The following NBEA variants were observed in gnomAD, a reference collection of about 807,000 sequenced individuals.
The protein encoded by NBEA is neurobeachin, also known as lysosomal-trafficking regulator 2.
A neutral mutation model predicts 343.4 loss-of-function variants in NBEA; 44 were observed. The ratio of observed to expected loss-of-function variants is 0.13; its 90% CI spans 0.10 to 0.16. NBEA has a LOEUF of 0.16. Among genes scored for constraint, NBEA ranks in the 10% least tolerant of loss-of-function variants. The probability of loss-of-function intolerance (pLI) is 1.00; values close to 1 mark genes in which losing one functional copy is unlikely to be tolerated. For synonymous variants in NBEA, 1,175 were observed against 1,238.7 expected, an observed-to-expected ratio of 0.95 and a Z score of 1.08; for missense variants, 2,555 against 3,631.3, an observed-to-expected ratio of 0.70 and a Z score of 7.62.
At chr13:35,498,208 TG>T (rs2076755283) in intron 41 of NBEA, among the ~76,000 whole-genome samples, 1 of 152,080 alleles carries the variant, frequency 6.6e-6, no homozygotes, top group Non-Finnish European at 1.5e-5. Flanking sequence ...ATGTCCATCT[TG>T]TAAAGAAAGT....
chr13:35,355,026 C>T (rs1271892517), intron 38 of NBEA, among the ~76,000 whole-genome samples: 1 of 152,092 alleles, frequency 6.6e-6, no homozygotes. Context: ...GTTTCTGAGG[C>T]CATAAATGTT....
At chr13:35,370,792 C>A (rs2041386325) in intron 38 of NBEA, among the ~76,000 whole-genome samples, 1 of 152,008 alleles carries the variant, frequency 6.6e-6, no homozygotes, top group Admixed American at 6.6e-5. Flanking sequence ...TTAAGTATTT[C>A]TTGTGAAGCT....
At chr13:35,261,749 A>G (rs967299075) in intron 34 of NBEA, among the ~76,000 whole-genome samples, 6 of 152,188 alleles carry the variant, frequency 3.9e-5, no homozygotes, top group African/African-American at 1.2e-4. Flanking sequence ...CCAGAGCCAT[A>G]GAAACCTATT....
chr13:34,985,934 T>C lies in NBEA; in HGVS notation c.294+42820T>C, dbSNP rs1230831509. 8.6e-5 allele frequency among the ~76,000 whole-genome samples: 13 copies of C among 150,934 alleles called. 1 individual carries two copies. In the South Asian group the frequency reaches 2.5e-3, roughly 29 times the overall value. On this transcript the variant is annotated intron_variant, in intron 1 of 58. Coordinates refer to ENST00000379939, the MANE Select transcript of NBEA (RefSeq NM_001385012.1). ...ATTTGATTCTCCTCTCTTTTCTTCTTTATTAGTCTTGCTAGCAGTCTATCA... is the reference window on the plus strand; with the variant it reads ...ATTTGATTCTCCTCTCTTTTCTTCTCTATTAGTCTTGCTAGCAGTCTATCA...
rs2062809352 is a variant in NBEA, at chr13:35,045,302, C to T, written c.628-4C>T. On this transcript the variant is annotated splice_polypyrimidine_tract_variant and splice_region_variant and intron_variant, in intron 3 of 58. Transcript: ENST00000379939. The stretch of plus-strand genomic sequence containing the variant: ...GACATTTCTTTCTTTTATTGTTTCC[C>T]CAGCCAAGACATGCAGTAAAATTAT... 2 of 1,598,882 alleles carry T rather than the reference C, an allele frequency of 1.3e-6. No individual in the cohort carries two copies. The highest frequency in any genetic ancestry group is 2.2e-5 in the East Asian group (1 of 44,532).
chr13:35,456,087 A>G (rs144073659), intron 40 of NBEA, among the ~76,000 whole-genome samples: 747 of 152,190 alleles, frequency 4.9e-3, no homozygotes, highest in Middle Eastern at 0.01. Context: ...GTCCAAATCA[A>G]TCTGGTAAGT....
intron 41 of NBEA, among the ~76,000 whole-genome samples, chr13:35,523,868 C>CTCTGCTTTTTTCCTTTGATTTTTTT: frequency 6.6e-6 from 1 of 151,828 alleles, no homozygotes; most frequent in Non-Finnish European, 1.5e-5. Context: ...CTATATTTCC[C>CTCTGCTTTTTTCCTTTGATTTTTTT]TCTGCTTTTT....
At chr13:35,079,956 A>G (rs1326869103) in intron 10 of NBEA, among the ~76,000 whole-genome samples, 7 of 152,092 alleles carry the variant, frequency 4.6e-5, no homozygotes, top group Non-Finnish European at 8.8e-5. Context: ...TAAATTTTCT[A>G]TAGTATAGGT....
chr13:35,053,286 G>A (rs1238479534), intron 6 of NBEA, among the ~76,000 whole-genome samples: 7 of 152,046 alleles, frequency 4.6e-5, no homozygotes, highest in Non-Finnish European at 1.0e-4. Flanking sequence ...TTGTTTTTGT[G>A]TTTTTCCTGC....
chr13:34,948,069 A>G (rs1797401735), intron 1 of NBEA, among the ~76,000 whole-genome samples: 1 of 152,252 alleles, frequency 6.6e-6, no homozygotes, highest in Non-Finnish European at 1.5e-5. Context: ...TGCATTGAAG[A>G]GAAATTGTAG....
chr13:35,183,401 T>A (rs1266471173), intron 29 of NBEA, among the ~76,000 whole-genome samples: 1 of 152,058 alleles, frequency 6.6e-6, no homozygotes, highest in Non-Finnish European at 1.5e-5. Flanking sequence ...TTTCAAAAAG[T>A]GAGTAGAAAT....
chr13:35,176,148 C>G (rs2070883606), intron 27 of NBEA, among the ~76,000 whole-genome samples: 1 of 152,044 alleles, frequency 6.6e-6, no homozygotes, highest in Non-Finnish European at 1.5e-5. Flanking sequence ...CAAATACTAT[C>G]AACCTTTAAA....
At chr13:35,594,583 G>A (rs1214840433) in intron 47 of NBEA, among the ~76,000 whole-genome samples, 2 of 151,962 alleles carry the variant, frequency 1.3e-5, no homozygotes, top group Non-Finnish European at 2.9e-5. Context: ...ACTATATTAA[G>A]CTTTGAAGTT....
intron 39 of NBEA, among the ~76,000 whole-genome samples, chr13:35,442,846 C>T (rs2045811814): frequency 6.6e-6 from 1 of 152,112 alleles, no homozygotes; most frequent in South Asian, 2.1e-4. Context: ...ATTTCCACCT[C>T]TTGCTCTAAT....
rs183274140 is a variant in NBEA, at chr13:34,977,271, G to A, written c.294+34157G>A. ...ATTACCTTTGCTTATATACTTATGT[G>A]TAAATACTGAATATAAATGGATATG... On this transcript the variant is annotated intron_variant, in intron 1 of 58. Transcript: ENST00000379939. Among the ~76,000 whole-genome samples the A allele has an allele frequency of 7.1e-4, 107 of 151,110 alleles. 3 individuals carry two copies. The East Asian group carries it at 0.016, about 22-fold the overall frequency.
chr13:35,470,308 G>A (rs551879856), intron 40 of NBEA, among the ~76,000 whole-genome samples: 1 of 152,178 alleles, frequency 6.6e-6, no homozygotes, highest in East Asian at 1.9e-4. Context: ...GAAAGTTCAC[G>A]GATGTGTACT....
At position 35,255,268 on chromosome 13, in the gene NBEA, G is replaced by A. The variant is rs150983381; in HGVS notation, c.5776+22649G>A. Among the ~76,000 whole-genome samples the A allele has an allele frequency of 4.4e-3, 667 of 152,268 alleles. 5 individuals carry two copies. Among genetic ancestry groups the A allele is most frequent in the African/African-American group, 0.015 (641 of 41,542 alleles). ...CATTCTTTCCATATTGAATTATAAC[G>A]TGATATTGTCATGGGATCCTTGGGG... On this transcript the variant is annotated intron_variant, in intron 34 of 58. Transcript: ENST00000379939.
intron 39 of NBEA, among the ~76,000 whole-genome samples, chr13:35,439,414 A>T (rs553489223): frequency 1.2e-4 from 19 of 152,274 alleles, no homozygotes; most frequent in African/African-American, 4.6e-4. Context: ...AGACTTGATT[A>T]TGAATTTGCC....
At chr13:35,349,604 T>C (rs2040071435) in intron 37 of NBEA, among the ~76,000 whole-genome samples, 1 of 143,330 alleles carries the variant, frequency 7.0e-6, no homozygotes, top group South Asian at 2.2e-4. Flanking sequence ...TTCAAAAAAA[T>C]CTTTCAATTT....
Sources: allele counts gnomAD v4.1 joint callset (sites outside exome capture counted in the v4.1 genomes callset), GRCh38; gene constraint gnomAD v4.1.1; transcripts MANE v1.5; gene names NCBI Gene and HGNC (gene_info 2026-07-23, HGNC 2026-07-21).